The following BCHE variants were observed in gnomAD, a reference collection of about 807,000 sequenced individuals.
BCHE encodes the protein butyrylcholinesterase.
Under a neutral mutation model 51.3 loss-of-function variants are expected in BCHE, and 48 were observed. That is an observed-to-expected ratio of 0.94 (90% CI 0.74 to 1.19). The LOEUF (loss-of-function observed/expected upper bound fraction) is 1.19. BCHE is among the 50% of genes most tolerant of loss of function. The probability of loss-of-function intolerance (pLI) is 0.00; values close to 1 mark genes in which losing one functional copy is unlikely to be tolerated. For missense variants in BCHE, 847 were observed against 708.2 expected (o/e 1.20, Z -2.23); for synonymous variants, 251 against 238.0 (o/e 1.05, Z -0.50).
At chr3:165,782,723 G>A (rs1712756182) in intron 3 of BCHE, among the ~76,000 whole-genome samples, 1 of 152,068 alleles carries the variant, frequency 6.6e-6, no homozygotes, top group Non-Finnish European at 1.5e-5. Context: ...CACAATTGAG[G>A]AGGCTTTCCA....
intron 2 of BCHE, 91 bp from the exon 3 acceptor site, chr3:165,786,402 T>A: frequency 1.6e-6 from 2 of 1,237,600 alleles, no homozygotes; most frequent in Non-Finnish European, 2.2e-6. Context: ...ACAAGAGCTT[T>A]AAAGAATTTA....
chr3:165,824,615 T>A (rs897711432), intron 2 of BCHE, among the ~76,000 whole-genome samples: 2 of 152,002 alleles, frequency 1.3e-5, no homozygotes, highest in African/African-American at 4.8e-5. Flanking sequence ...TCCCCCATCA[T>A]TCACAGAAAA....
chr3:165,807,287 C>T (rs760073768), intron 2 of BCHE, among the ~76,000 whole-genome samples: 6 of 151,260 alleles, frequency 4.0e-5, no homozygotes, highest in Non-Finnish European at 8.8e-5. Context: ...ATTTTTTCTG[C>T]GATCTCTCAT....
Position 165,830,856 on chromosome 3 carries a change from G to A in BCHE, c.178C>T (p.Pro60Ser), listed in dbSNP as rs1467891843. 1 of 1,613,940 alleles carries A rather than the reference G, an allele frequency of 6.2e-7. No homozygotes were observed. The highest frequency in any genetic ancestry group is 8.5e-7 in the Non-Finnish European group (1 of 1,179,920). The change falls in exon 2 of 4, where the codon CCC becomes TCC. Residue 60 changes from proline (P) to serine (S), a missense_variant. By Grantham distance (74) the Pro-to-Ser change is moderately conservative (BLOSUM62 -1). Transcript: ENST00000264381. ...GGTVTAFLGI[P>S]YAQPPLGRLR... is the part of the protein sequence containing the mutation. ...CTACCAAGAGGTGGCTGTGCATAGG[G>A]AATTCCAAGAAAGGCTGTTACCGTG...
Position 165,830,058 on chromosome 3 carries a change from A to G in BCHE, c.976T>C (p.Phe326Leu), listed in dbSNP as rs1209203460. The change falls in exon 2 of 4, where the codon TTT becomes CTT. Residue 326 changes from phenylalanine to leucine, a missense_variant. Phe to Leu is a conservative substitution (Grantham distance 22). Transcript: ENST00000264381. Reference sequence around the variant, plus strand: ...AATATGTCTGGCATGTCAGTGAGAAAATCACCATCCACGGTCGGACCAAAG... The same window carrying G: ...AATATGTCTGGCATGTCAGTGAGAAGATCACCATCCACGGTCGGACCAAAG... ...VNFGPTVDGD[F>L]LTDMPDILLE... 6.2e-7 allele frequency: 1 copy of G among 1,613,630 alleles called. No individual in the cohort carries two copies. Among genetic ancestry groups the G allele is most frequent in the Non-Finnish European group, 8.5e-7 (1 of 1,179,906 alleles).
chr3:165,825,893 A>G (rs767216063), intron 2 of BCHE, among the ~76,000 whole-genome samples: 9 of 152,270 alleles, frequency 5.9e-5, no homozygotes, highest in Non-Finnish European at 1.3e-4. Context: ...AGCATAAGAA[A>G]AGATGTTTCA....
intron 2 of BCHE, among the ~76,000 whole-genome samples, chr3:165,813,915 A>G (rs539166061): frequency 5.3e-5 from 8 of 152,154 alleles, no homozygotes; most frequent in South Asian, 2.1e-4. Context: ...CATATACTCT[A>G]ATGTAAGTCT....
chr3:165,786,128 A>G lies in BCHE; in HGVS notation c.1684+17T>C, dbSNP rs774233910. 8 of 1,608,152 alleles carry G rather than the reference A, an allele frequency of 5.0e-6. No individual in the cohort carries two copies. Among genetic ancestry groups the G allele is most frequent in the Non-Finnish European group, 6.8e-6 (8 of 1,175,514 alleles). ...CCCATCATCTATTAAATAACCAAAC[A>G]CTAAAAACAGACACACCTGTCATTT... On this transcript the variant is annotated intron_variant, in intron 3 of 3. Transcript: ENST00000264381.
intron 3 of BCHE, among the ~76,000 whole-genome samples, chr3:165,776,608 A>C (rs534847738): frequency 6.6e-6 from 1 of 152,070 alleles, no homozygotes; most frequent in Admixed American, 6.6e-5. Context: ...TCTTTAAACA[A>C]GATAAAAATT....
intron 2 of BCHE, among the ~76,000 whole-genome samples, chr3:165,827,231 A>G (rs887415079): frequency 2.0e-5 from 3 of 152,004 alleles, no homozygotes; most frequent in Non-Finnish European, 4.4e-5. Context: ...AACCCTTAAC[A>G]CAAATATATA....
intron 2 of BCHE, among the ~76,000 whole-genome samples, chr3:165,814,126 A>G (rs919401782): frequency 6.6e-6 from 1 of 152,080 alleles, no homozygotes; most frequent in African/African-American, 2.4e-5. Context: ...GATTATTGTT[A>G]GTAAATTTAG....
intron 3 of BCHE, among the ~76,000 whole-genome samples, chr3:165,779,940 G>T (rs1712622242): frequency 6.6e-6 from 1 of 152,020 alleles, no homozygotes; most frequent in Non-Finnish European, 1.5e-5. Context: ...CCAAAAAAGA[G>T]CCTGCATAGC....
chr3:165,803,992 T>C (rs1364961665), intron 2 of BCHE, among the ~76,000 whole-genome samples: 1 of 151,536 alleles, frequency 6.6e-6, no homozygotes, highest in Non-Finnish European at 1.5e-5. Flanking sequence ...CTGCAGTATA[T>C]TACAATATTT....
At chr3:165,832,120 C>T (rs1475995246) in intron 1 of BCHE, among the ~76,000 whole-genome samples, 2 of 152,036 alleles carry the variant, frequency 1.3e-5, no homozygotes, top group Non-Finnish European at 1.5e-5. Context: ...AAGTATTTGA[C>T]ATTTATGAAA....
rs556005588 is a variant in BCHE at position 165,790,418 on chromosome 3, CTA to C, written c.1518-4109_1518-4108del. ...TGGAACATTCTAAGTCCAAGATGCT[CTA>C]TGTGTCTCATTCCTCAGCTGGTTCT... On this transcript the variant is annotated intron_variant, in intron 2 of 3. Transcript: ENST00000264381. Among the ~76,000 whole-genome samples, 514 of 152,248 alleles carry C rather than the reference CTA, an allele frequency of 3.4e-3. 1 individual carries two copies. The highest frequency in any genetic ancestry group is 5.4e-3 in the Non-Finnish European group (367 of 68,022).
chr3:165,833,048 A>G (rs776630497), intron 1 of BCHE, among the ~76,000 whole-genome samples: 9 of 152,134 alleles, frequency 5.9e-5, no homozygotes, highest in African/African-American at 1.2e-4. Context: ...ATTCATATGT[A>G]TATGCATATA....
chr3:165,784,250 C>T (rs1256612232), intron 3 of BCHE, among the ~76,000 whole-genome samples: 1 of 151,856 alleles, frequency 6.6e-6, no homozygotes, highest in Non-Finnish European at 1.5e-5. Flanking sequence ...AACATGGGCC[C>T]TTAATCTTTT....
chr3:165,789,036 A>G (rs1713068835), intron 2 of BCHE, among the ~76,000 whole-genome samples: 1 of 152,140 alleles, frequency 6.6e-6, no homozygotes, highest in African/African-American at 2.4e-5. Context: ...AAAACACTAC[A>G]TATTTTTTAT....
intron 2 of BCHE, 61 bp downstream of exon 2, chr3:165,829,456 G>A: frequency 7.1e-7 from 1 of 1,415,914 alleles, no homozygotes; most frequent in South Asian, 1.2e-5. Context: ...CAGAGACCAA[G>A]CAAAGCTAAG....
Sources: allele counts gnomAD v4.1 joint callset (sites outside exome capture counted in the v4.1 genomes callset), GRCh38; gene constraint gnomAD v4.1.1; transcripts MANE v1.5; gene names NCBI Gene and HGNC (gene_info 2026-07-23, HGNC 2026-07-21).